The following TXNDC16 variants were observed in gnomAD, a reference collection of about 807,000 sequenced individuals.
The protein encoded by TXNDC16 is thioredoxin domain-containing protein 16.
Under a neutral mutation model 85.6 loss-of-function variants are expected in TXNDC16, and 74 were observed. That is an observed-to-expected ratio of 0.86 (90% CI 0.72 to 1.05). The LOEUF is 1.05. Among genes scored for constraint, TXNDC16 ranks in the 50% least tolerant of loss-of-function variants. TXNDC16 has a pLI of 0.00. For synonymous variants in TXNDC16, 335 were observed against 326.5 expected (o/e 1.03, Z -0.28); for missense variants, 959 against 947.0 (o/e 1.01, Z -0.17).
chr14:52,466,745 T>C (rs1451477259), intron 16 of TXNDC16, among the ~76,000 whole-genome samples: 4 of 151,926 alleles, frequency 2.6e-5, no homozygotes, highest in African/African-American at 9.7e-5. Context: ...CAGGCTCCTG[T>C]AGTCCCAGCT....
intron 7 of TXNDC16, among the ~76,000 whole-genome samples, chr14:52,517,354 A>C (rs1295731403): frequency 1.3e-5 from 2 of 152,100 alleles, no homozygotes; most frequent in Non-Finnish European, 2.9e-5. Context: ...AGCATCACCA[A>C]GCTAATGGTG....
At chr14:52,519,083 C>T in intron 7 of TXNDC16, 89 bp downstream of exon 7, 18 of 1,290,466 alleles carry the variant, frequency 1.4e-5, no homozygotes, top group Non-Finnish European at 1.9e-5. Context: ...AATATTACGA[C>T]TGTAGTCAAA....
At chr14:52,549,462 G>A (rs2038001807) in intron 1 of TXNDC16, among the ~76,000 whole-genome samples, 1 of 152,156 alleles carries the variant, frequency 6.6e-6, no homozygotes, top group Non-Finnish European at 1.5e-5. Flanking sequence ...AAGACATCAA[G>A]GAGGAAGTAC....
At chr14:52,488,691 T>A (rs1044016156) in intron 11 of TXNDC16, among the ~76,000 whole-genome samples, 1 of 151,602 alleles carries the variant, frequency 6.6e-6, no homozygotes, top group Non-Finnish European at 1.5e-5. Flanking sequence ...AAAATTAGAC[T>A]GGCGTGGTGG....
chr14:52,435,776 C>T (rs1006794948), intron 20 of TXNDC16, among the ~76,000 whole-genome samples: 3 of 151,944 alleles, frequency 2.0e-5, no homozygotes, highest in Non-Finnish European at 2.9e-5. Flanking sequence ...GCCTGGACAA[C>T]ACAGTGAGAC....
intron 11 of TXNDC16, 77 bp from the exon 12 acceptor site, chr14:52,488,563 T>A: frequency 8.0e-7 from 1 of 1,252,348 alleles, no homozygotes; most frequent in Admixed American, 2.3e-5. Flanking sequence ...GGGCCAGGTG[T>A]GGTGGCTCAC....
intron 20 of TXNDC16, among the ~76,000 whole-genome samples, chr14:52,436,540 T>C (rs994029926): frequency 2.6e-5 from 4 of 152,092 alleles, no homozygotes; most frequent in Non-Finnish European, 5.9e-5. Context: ...AAGTACTGAA[T>C]TGTACACTCT....
chr14:52,500,955 A>G (rs981074871), intron 9 of TXNDC16, among the ~76,000 whole-genome samples: 10 of 152,232 alleles, frequency 6.6e-5, no homozygotes, highest in Non-Finnish European at 5.9e-5. Context: ...CTACAAATAT[A>G]AACTGAATCC....
intron 9 of TXNDC16, among the ~76,000 whole-genome samples, chr14:52,496,052 C>T (rs1360531150): frequency 2.0e-5 from 3 of 150,940 alleles, no homozygotes; most frequent in African/African-American, 4.9e-5. Flanking sequence ...TCCAGCTACT[C>T]GGGAGGCTGA....
chr14:52,527,447 A>T (rs767038448), intron 6 of TXNDC16, among the ~76,000 whole-genome samples: 2 of 152,122 alleles, frequency 1.3e-5, no homozygotes, highest in African/African-American at 2.4e-5. Context: ...TTTTTTTCAC[A>T]CACTATCTTC....
intron 1 of TXNDC16, among the ~76,000 whole-genome samples, chr14:52,548,568 A>G (rs1566593571): frequency 6.6e-6 from 1 of 152,138 alleles, no homozygotes; most frequent in Non-Finnish European, 1.5e-5. Context: ...AGTTGGTCAC[A>G]ACCCTCATTC....
Position 52,464,190 on chromosome 14 carries a change from G to C in TXNDC16, c.1618+5847C>G, listed in dbSNP as rs1280407041. Among the ~76,000 whole-genome samples the C allele has an allele frequency of 5.9e-5, 9 of 152,144 alleles. No individual in the cohort carries two copies. The East Asian group carries it at 1.7e-3, about 29-fold the overall frequency. ...ATATGAAAAATTCTTTTCAATATTT[G>C]AATTAGGAAAAAGTTTTCTCTGTGG... On this transcript the variant is annotated intron_variant, in intron 16 of 20. Coordinates refer to ENST00000281741, the MANE Select transcript of TXNDC16 (RefSeq NM_020784.3).
At chr14:52,500,620 G>GA (rs550636524) in intron 9 of TXNDC16, among the ~76,000 whole-genome samples, 2 of 152,108 alleles carry the variant, frequency 1.3e-5, no homozygotes, top group South Asian at 4.2e-4. Flanking sequence ...TACAACAATG[G>GA]AAAAAAAGTC....
intron 5 of TXNDC16, 102 bp from the exon 6 acceptor site, chr14:52,536,895 T>C (rs1358240591): frequency 4.1e-6 from 4 of 974,168 alleles, no homozygotes; most frequent in Non-Finnish European, 6.2e-6. Flanking sequence ...ATAAGGTCTT[T>C]GATGTTACAG....
intron 1 of TXNDC16, among the ~76,000 whole-genome samples, chr14:52,545,974 A>T (rs1017377076): frequency 6.6e-6 from 1 of 152,062 alleles, no homozygotes; most frequent in African/African-American, 2.4e-5. Context: ...TACCTCCAGT[A>T]ATTAGAAAAG....
intron 18 of TXNDC16, among the ~76,000 whole-genome samples, chr14:52,445,728 A>G (rs1226882355): frequency 6.6e-6 from 1 of 152,198 alleles, no homozygotes; most frequent in African/African-American, 2.4e-5. Context: ...TTGTTACAAG[A>G]GCCTACAGTA....
intron 14 of TXNDC16, among the ~76,000 whole-genome samples, chr14:52,477,942 T>G (rs1179042537): frequency 2.0e-5 from 3 of 152,128 alleles, no homozygotes; most frequent in African/African-American, 7.2e-5. Context: ...AAAATGAGCC[T>G]CAATAAATTC....
At chr14:52,476,705 G>C (rs2036027879) in intron 14 of TXNDC16, among the ~76,000 whole-genome samples, 1 of 152,068 alleles carries the variant, frequency 6.6e-6, no homozygotes, top group South Asian at 2.1e-4. Flanking sequence ...AACCAAACCT[G>C]AATAATCAGT....
intron 12 of TXNDC16, among the ~76,000 whole-genome samples, chr14:52,485,334 T>A (rs920537675): frequency 1.3e-5 from 2 of 152,238 alleles, no homozygotes; most frequent in African/African-American, 4.8e-5. Flanking sequence ...GATGTGTTTG[T>A]GCTTTAAGTT....
Sources: gnomAD v4.1 joint callset for allele counts (sites outside exome capture counted in the v4.1 genomes callset) on GRCh38, gnomAD v4.1.1 for gene constraint, MANE v1.5 for transcripts, NCBI Gene and HGNC (gene_info 2026-07-23, HGNC 2026-07-21) for gene names.